PTBP2: variants seen among roughly 807,000 people sequenced by gnomAD.
PTBP2 encodes polypyrimidine tract binding protein 2, also known as polypyrimidine tract-binding protein 2.
PTBP2 carries 13 observed loss-of-function variants against 61.4 expected under a neutral mutation model. The ratio of observed to expected loss-of-function variants is 0.21; its 90% CI spans 0.14 to 0.34. The LOEUF is 0.34. PTBP2 is among the 10% of genes least tolerant of loss of function. PTBP2 has a pLI of 1.00. For synonymous variants in PTBP2, 215 were observed against 218.5 expected, an observed-to-expected ratio of 0.98 and a Z score of 0.14; for missense variants, 405 against 642.6, an observed-to-expected ratio of 0.63 and a Z score of 4.00.
chr1:96,770,463 T>C (rs1657248378), intron 4 of PTBP2, among the ~76,000 whole-genome samples: 1 of 151,962 alleles, frequency 6.6e-6, no homozygotes, highest in Middle Eastern at 3.2e-3. Context: ...CAAGAATAGA[T>C]TTGTGGGTGT....
intron 2 of PTBP2, among the ~76,000 whole-genome samples, chr1:96,742,442 C>T (rs1219732108): frequency 1.3e-5 from 2 of 152,054 alleles, no homozygotes; most frequent in African/African-American, 4.8e-5. Context: ...TTTTTGAATT[C>T]TCTCTTTTAT....
intron 11 of PTBP2, among the ~76,000 whole-genome samples, chr1:96,807,169 A>C (rs1465877763): frequency 6.6e-6 from 1 of 152,204 alleles, no homozygotes; most frequent in Non-Finnish European, 1.5e-5. Context: ...ATGCACTCAT[A>C]ATAGGAAGAG....
At position 96,812,845 on chromosome 1, in the gene PTBP2, A is replaced by G. The variant is rs1371387363; in HGVS notation, c.1305A>G (p.Pro435=). Residue 435 remains proline, a synonymous_variant, in exon 12 of 14, where the codon CCA becomes CCG. Coordinates refer to ENST00000674951, the MANE Select transcript of PTBP2 (RefSeq NM_021190.4). ...QGLTKDFGNS[P]LHRFKKPGSK... is the part of the protein sequence containing the mutation. ...TAACAAAAGATTTTGGTAATTCCCC[A>G]TTGCATCGTTTTAAGAAACCTGGAT... is the stretch of plus-strand genomic sequence containing the variant. The G allele has an allele frequency of 6.2e-7, 1 of 1,613,882 alleles. No homozygotes were observed. Among genetic ancestry groups the G allele is most frequent in the South Asian group, 1.1e-5 (1 of 91,070 alleles).
intron 2 of PTBP2, chr1:96,749,559 A>G (rs1028660251): frequency 2.3e-6 from 1 of 431,846 alleles, no homozygotes; most frequent in Non-Finnish European, 4.8e-6. Context: ...CTGTGGATTT[A>G]TGGAAGAGCT....
At chr1:96,746,686 G>T (rs1187349892) in intron 2 of PTBP2, among the ~76,000 whole-genome samples, 1 of 138,712 alleles carries the variant, frequency 7.2e-6, no homozygotes, top group Non-Finnish European at 1.5e-5. Context: ...CTTGGTGACA[G>T]AGCAAGACTT....
At chr1:96,801,547 A>G in intron 8 of PTBP2, among the ~76,000 whole-genome samples, 1 of 152,046 alleles carries the variant, frequency 6.6e-6, no homozygotes, top group Non-Finnish European at 1.5e-5. Flanking sequence ...ATGTGTGTTT[A>G]TGTGCTTTAA....
At chr1:96,803,639 A>C (rs1025295339) in intron 8 of PTBP2, among the ~76,000 whole-genome samples, 1 of 152,184 alleles carries the variant, frequency 6.6e-6, no homozygotes, top group Non-Finnish European at 1.5e-5. Flanking sequence ...GAAAGGTCAT[A>C]GTAGTTTCTA....
intron 2 of PTBP2, among the ~76,000 whole-genome samples, chr1:96,745,287 C>T (rs1328171300): frequency 6.6e-6 from 1 of 152,098 alleles, no homozygotes; most frequent in East Asian, 1.9e-4. Context: ...CTCAGCCTCC[C>T]GAGTAGCTGG....
chr1:96,806,091 T>A (rs964015302), intron 9 of PTBP2, among the ~76,000 whole-genome samples: 1 of 152,284 alleles, frequency 6.6e-6, no homozygotes, highest in Admixed American at 6.5e-5. Flanking sequence ...CATTGCTGTT[T>A]CCCTTCCCCA....
At chr1:96,773,089 A>T (rs1331056560) in intron 5 of PTBP2, among the ~76,000 whole-genome samples, 1 of 143,780 alleles carries the variant, frequency 7.0e-6, no homozygotes, top group Non-Finnish European at 1.5e-5. Flanking sequence ...GCGTCACTGC[A>T]CTCCAGCCTG....
At chr1:96,821,322 CT>C (rs1184387851) in exon 14 of PTBP2, 1 of 152,008 alleles carries the variant, frequency 6.6e-6, no homozygotes, top group East Asian at 1.9e-4. Context: ...ATTACCTCGA[CT>C]TTCCATTTTT....
At chr1:96,730,944 G>A (rs1158817757) in intron 2 of PTBP2, among the ~76,000 whole-genome samples, 1 of 152,250 alleles carries the variant, frequency 6.6e-6, no homozygotes, top group East Asian at 1.9e-4. Flanking sequence ...TGATTGTTTG[G>A]TGTTGTTTCG....
chr1:96,756,028 C>T (rs925119701), intron 3 of PTBP2, among the ~76,000 whole-genome samples: 6 of 152,158 alleles, frequency 3.9e-5, no homozygotes, highest in Non-Finnish European at 8.8e-5. Context: ...GGATGTGGAG[C>T]AACAGGAACT....
chr1:96,751,429 G>C lies in PTBP2; in HGVS notation c.44G>C (p.Gly15Ala), dbSNP rs1654524025. ...VTEVAVGVKRGSDELLSGSVL... is the reference protein window; with the variant it reads ...VTEVAVGVKRASDELLSGSVL... ...AATTTGTTTTTGTTTTCATAGAGAG[G>C]ATCTGACGAACTACTCTCAGGCAGT... is the stretch of plus-strand genomic sequence containing the variant. The change falls in exon 3 of 14, where the codon GGA becomes GCA. Residue 15 changes from glycine (G) to alanine (A), a missense_variant. Physicochemically the swap from Gly to Ala is moderately conservative, Grantham distance 60. This residue lies in a region of PTBP2 where 342 missense variants were observed against 491.2 expected (regional missense o/e 0.70). Coordinates refer to ENST00000674951, the MANE Select transcript of PTBP2 (RefSeq NM_021190.4). The C allele has an allele frequency of 6.2e-7, 1 of 1,610,968 alleles. No homozygotes were observed. The highest frequency in any genetic ancestry group is 1.3e-5 in the African/African-American group (1 of 74,710).
At chr1:96,755,847 G>GT (rs1335665156) in intron 3 of PTBP2, among the ~76,000 whole-genome samples, 2 of 152,194 alleles carry the variant, frequency 1.3e-5, no homozygotes, top group Non-Finnish European at 2.9e-5. Context: ...GGCAGGAGGG[G>GT]TGGCAAAGGG....
intron 3 of PTBP2, among the ~76,000 whole-genome samples, chr1:96,759,231 A>G (rs1021301041): frequency 2.6e-5 from 4 of 152,220 alleles, no homozygotes; most frequent in South Asian, 2.1e-4. Context: ...CATTGAATCT[A>G]TAAAGACTTA....
chr1:96,777,226 T>G (rs1658135863), intron 5 of PTBP2, among the ~76,000 whole-genome samples: 1 of 152,176 alleles, frequency 6.6e-6, no homozygotes, highest in South Asian at 2.1e-4. Flanking sequence ...TTTTATGGAG[T>G]GATTAATGTT....
intron 3 of PTBP2, among the ~76,000 whole-genome samples, chr1:96,759,154 G>A (rs1051772430): frequency 2.9e-4 from 44 of 152,142 alleles, no homozygotes; most frequent in African/African-American, 9.4e-4. Context: ...ACATGAAGAC[G>A]TAGACCATGT....
At chr1:96,746,084 A>AC (rs1491546039) in intron 2 of PTBP2, among the ~76,000 whole-genome samples, 1 of 151,686 alleles carries the variant, frequency 6.6e-6, no homozygotes, top group Non-Finnish European at 1.5e-5. Flanking sequence ...ACAAAAAAAA[A>AC]CAACAACAAA....
Sources: gnomAD v4.1 joint callset for allele counts (sites outside exome capture counted in the v4.1 genomes callset) on GRCh38, gnomAD v4.1.1 for gene constraint, gnomAD v4.1.1 regional missense constraint, MANE v1.5 for transcripts, NCBI Gene and HGNC (gene_info 2026-07-23, HGNC 2026-07-21) for gene names.